The following BCAS3 variants were observed in gnomAD, a reference collection of about 807,000 sequenced individuals.
BCAS3 encodes the protein BCAS4/BCAS3 fusion.
Under a neutral mutation model 116.1 loss-of-function variants are expected in BCAS3, and 53 were observed. That is an observed-to-expected ratio of 0.46 (90% confidence interval 0.37 to 0.57). The LOEUF (loss-of-function observed/expected upper bound fraction) is 0.57, where lower values mean the gene tolerates loss of function less well. Ranked by LOEUF, BCAS3 falls within the 20% of genes least tolerant of loss-of-function variation. The probability of loss-of-function intolerance (pLI) is 0.00; values close to 1 mark genes in which losing one functional copy is unlikely to be tolerated. For missense variants in BCAS3, 917 were observed against 1,165.4 expected, an observed-to-expected ratio of 0.79 and a Z score of 3.10; for synonymous variants, 391 against 408.2, an observed-to-expected ratio of 0.96 and a Z score of 0.51.
In BCAS3 at chr17:61,244,984, T is replaced by C. The variant is rs2047819637; in HGVS notation, c.2426-123343T>C. ...TCTTTCTAAATGTGGTGTAATAGAC[T>C]ATAATTTTAGTAAGTGTATCAGTCC... On this transcript the variant is annotated intron_variant, in intron 22 of 23. Transcript: ENST00000407086. The surrounding 1 kb of genome is among the most constrained non-coding windows in gnomAD (Gnocchi z 4.9). 6.6e-6 allele frequency among the ~76,000 whole-genome samples: 1 copy of C among 152,248 alleles called. No individual in the cohort carries two copies. Among genetic ancestry groups the C allele is most frequent in the South Asian group, 2.1e-4 (1 of 4,832 alleles).
intron 1 of BCAS3, among the ~76,000 whole-genome samples, chr17:60,678,272 T>TGG: frequency 1.3e-5 from 2 of 152,110 alleles, no homozygotes; most frequent in African/African-American, 4.8e-5. Context: ...GCAGGTATCC[T>TGG]CTGAGGAGGT....
intron 22 of BCAS3, among the ~76,000 whole-genome samples, chr17:61,353,119 C>G (rs1450243415): frequency 6.6e-6 from 1 of 152,110 alleles, no homozygotes; most frequent in Admixed American, 6.5e-5. Flanking sequence ...GGCCCAAGAC[C>G]GATGTGCAAG....
At chr17:61,016,309 A>C (rs1363331667) in intron 16 of BCAS3, among the ~76,000 whole-genome samples, 1 of 152,186 alleles carries the variant, frequency 6.6e-6, no homozygotes, top group African/African-American at 2.4e-5. Context: ...TCTTTTTAGT[A>C]CTTTGAAAAA....
At chr17:61,329,632 T>C (rs1568866124) in intron 22 of BCAS3, among the ~76,000 whole-genome samples, 2 of 152,148 alleles carry the variant, frequency 1.3e-5, no homozygotes. Flanking sequence ...TGAGCCACCA[T>C]GCCCGGCCTA....
chr17:60,797,516 A>T (rs2047322543), intron 6 of BCAS3, among the ~76,000 whole-genome samples: 1 of 151,678 alleles, frequency 6.6e-6, no homozygotes, highest in African/African-American at 2.4e-5. Flanking sequence ...ACCTGACTAC[A>T]TTTATTTATT....
At chr17:61,075,807 G>T (rs2071924111) in intron 20 of BCAS3, among the ~76,000 whole-genome samples, 1 of 152,112 alleles carries the variant, frequency 6.6e-6, no homozygotes, top group South Asian at 2.1e-4. Flanking sequence ...AATTCTGATG[G>T]TGCCTTGGTT....
chr17:60,749,445 G>A (rs2042266897), intron 6 of BCAS3, among the ~76,000 whole-genome samples: 1 of 151,980 alleles, frequency 6.6e-6, no homozygotes, highest in African/African-American at 2.4e-5. Context: ...ACATTTTCCT[G>A]GACCGTTTTA....
At chr17:61,090,991 C>A (rs2073514244) in intron 22 of BCAS3, among the ~76,000 whole-genome samples, 12 of 152,072 alleles carry the variant, frequency 7.9e-5, no homozygotes, top group Admixed American at 7.9e-4. Context: ...TGTTAGAAGA[C>A]CAAAGTCAAG....
At chr17:61,170,603 A>G (rs2078790341) in intron 22 of BCAS3, among the ~76,000 whole-genome samples, 1 of 152,026 alleles carries the variant, frequency 6.6e-6, no homozygotes, top group African/African-American at 2.4e-5. Flanking sequence ...ATACGATGTA[A>G]TGGTTTTCAA....
At chr17:61,072,244 C>G (rs1450634273) in intron 19 of BCAS3, among the ~76,000 whole-genome samples, 4 of 152,014 alleles carry the variant, frequency 2.6e-5, no homozygotes, top group African/African-American at 9.7e-5. Context: ...CAAACATACA[C>G]AAAACTAGAA....
rs2080731567 is a variant in BCAS3, at chr17:61,200,049, A to G, written c.2425+115485A>G. ...CCCTTTCTTCCAGAATAATCCAAAA[A>G]GATGATTTTAAATAGAAACATGCTT... On this transcript the variant is annotated intron_variant, in intron 22 of 23. Transcript: ENST00000407086. The surrounding 1 kb of genome is among the most constrained non-coding windows in gnomAD (Gnocchi z 5.1). 6.6e-6 allele frequency among the ~76,000 whole-genome samples: 1 copy of G among 152,252 alleles called. No individual in the cohort carries two copies. The highest frequency in any genetic ancestry group is 1.5e-5 in the Non-Finnish European group (1 of 68,050).
intron 19 of BCAS3, among the ~76,000 whole-genome samples, chr17:61,045,866 A>AAAT (rs1555684836): frequency 3.0e-5 from 1 of 33,866 alleles, no homozygotes; most frequent in South Asian, 5.6e-4. Flanking sequence ...TATATATATA[A>AAAT]ATATATATAA....
chr17:60,703,094 G>T (rs2036631274), intron 4 of BCAS3, among the ~76,000 whole-genome samples: 1 of 151,572 alleles, frequency 6.6e-6, no homozygotes, highest in African/African-American at 2.4e-5. Context: ...GGCCAACATG[G>T]TGAAACACCG....
At chr17:61,321,769 G>A (rs1379114888) in intron 22 of BCAS3, among the ~76,000 whole-genome samples, 1 of 152,144 alleles carries the variant, frequency 6.6e-6, no homozygotes, top group Non-Finnish European at 1.5e-5. Flanking sequence ...ATCTGGCCAT[G>A]CTTCTGCTGG....
At position 61,355,535 on chromosome 17, in the gene BCAS3, A is replaced by G. The variant is rs2058092840; in HGVS notation, c.2426-12792A>G. 6.6e-6 allele frequency among the ~76,000 whole-genome samples: 1 copy of G among 152,220 alleles called. No homozygotes were observed. On this transcript the variant is annotated intron_variant, in intron 22 of 23. Transcript: ENST00000407086. This position sits in a 1 kb window ranked among gnomAD's most constrained non-coding sequence, Gnocchi z 4.2. ...GAGAAATGACAGGCTTTGGAGCCAA[A>G]TGAACCTAGGATCCTAATCCTGACT... is the stretch of plus-strand genomic sequence containing the variant.
intron 22 of BCAS3, among the ~76,000 whole-genome samples, chr17:61,113,974 C>A: frequency 6.8e-6 from 1 of 146,420 alleles, no homozygotes. Context: ...ATAAACAGAG[C>A]CAAAGACAAA....
intron 6 of BCAS3, among the ~76,000 whole-genome samples, chr17:60,759,420 T>C (rs2043297069): frequency 6.6e-6 from 1 of 152,158 alleles, no homozygotes; most frequent in South Asian, 2.1e-4. Context: ...ATCCAATGTT[T>C]CATTGTTGAT....
chr17:60,684,009 G>C lies in BCAS3; in HGVS notation c.111G>C (p.Val37=). The C allele has an allele frequency of 6.2e-7, 1 of 1,613,984 alleles. No homozygotes were observed. The highest frequency in any genetic ancestry group is 8.5e-7 in the Non-Finnish European group (1 of 1,179,992). ...AGCAGTCCTACATGGAAAGTGTTGT[G>C]ACTTTTCTGCAGGATGTTGTGCCAC... ...VTEQSYMESV[V]TFLQDVVPQA... The change falls in exon 3 of 24, where the codon GTG becomes GTC. Residue 37 remains valine, a synonymous_variant. Transcript: ENST00000407086.
At chr17:60,776,248 A>G (rs1183398206) in intron 6 of BCAS3, among the ~76,000 whole-genome samples, 1 of 152,192 alleles carries the variant, frequency 6.6e-6, no homozygotes, top group Non-Finnish European at 1.5e-5. Flanking sequence ...GTATAGATGT[A>G]TATGTATACT....
Sources: allele counts gnomAD v4.1 joint callset (sites outside exome capture counted in the v4.1 genomes callset), GRCh38; gene constraint gnomAD v4.1.1; non-coding constraint Gnocchi (gnomAD v3.1); transcripts MANE v1.5; gene names NCBI Gene and HGNC (gene_info 2026-07-23, HGNC 2026-07-21).